AUTS2: variants seen among roughly 807,000 people sequenced by gnomAD.
The protein encoded by AUTS2 is autism susceptibility gene 2 protein.
A neutral mutation model predicts 112.4 loss-of-function variants in AUTS2; 17 were observed. The observed-to-expected ratio is 0.15, with a 90% confidence interval of 0.10 to 0.23. AUTS2 has a LOEUF of 0.23. Among genes scored for constraint, AUTS2 ranks in the 10% least tolerant of loss-of-function variants. AUTS2 has a pLI of 1.00. For synonymous variants in AUTS2, 751 were observed against 702.7 expected (o/e 1.07, Z -1.09); for missense variants, 1,510 against 1,701.6 (o/e 0.89, Z 1.98).
intron 2 of AUTS2, among the ~76,000 whole-genome samples, chr7:70,016,627 C>T (rs1800039476): frequency 6.6e-6 from 1 of 151,618 alleles, no homozygotes; most frequent in Non-Finnish European, 1.5e-5. Flanking sequence ...GTGTAGTCCA[C>T]CATGGAGAGA....
At chr7:70,437,320 T>G (rs965933285) in intron 5 of AUTS2, 2 of 152,204 alleles carry the variant, frequency 1.3e-5, no homozygotes, top group African/African-American at 4.8e-5. Flanking sequence ...CAGGGACATG[T>G]GCACAGCAGT....
At chr7:70,110,819 G>A (rs914856363) in intron 2 of AUTS2, among the ~76,000 whole-genome samples, 2 of 148,102 alleles carry the variant, frequency 1.4e-5, no homozygotes, top group Admixed American at 6.7e-5. Flanking sequence ...GTGACTTTAC[G>A]ATACATGAAT....
chr7:70,267,215 C>T (rs998702867), intron 4 of AUTS2, among the ~76,000 whole-genome samples: 37 of 151,636 alleles, frequency 2.4e-4, no homozygotes, highest in African/African-American at 7.8e-4. Context: ...TCACATTTAT[C>T]GCTGTTTAGT....
At chr7:69,891,613 T>A (rs1166464446) in intron 1 of AUTS2, among the ~76,000 whole-genome samples, 1 of 151,966 alleles carries the variant, frequency 6.6e-6, no homozygotes, top group Non-Finnish European at 1.5e-5. Flanking sequence ...TGTATGAGCA[T>A]CCTCTGCATC....
chr7:69,623,305 C>T (rs1342983921), intron 1 of AUTS2, among the ~76,000 whole-genome samples: 2 of 150,854 alleles, frequency 1.3e-5, no homozygotes, highest in African/African-American at 4.9e-5. Context: ...TCACTGCAGT[C>T]TCAAACTCCT....
rs966213504 is a variant in AUTS2 at position 70,770,631 on chromosome 7, T to A, written c.1735-918T>A. ...ATTGTGTCCTTTTATAGGCTGTTGA[T>A]TCAGGAAAATTCATAGTCTTCATTC... On this transcript the variant is annotated intron_variant, in intron 10 of 18. Transcript: ENST00000342771. Among the ~76,000 whole-genome samples, 3 of 152,214 alleles carry A rather than the reference T, an allele frequency of 2.0e-5. No individual in the cohort carries two copies. In the East Asian group the frequency reaches 5.8e-4, roughly 29 times the overall value.
intron 4 of AUTS2, among the ~76,000 whole-genome samples, chr7:70,156,690 G>A (rs1807780652): frequency 6.6e-6 from 1 of 151,522 alleles, no homozygotes; most frequent in Non-Finnish European, 1.5e-5. Flanking sequence ...AGTCATTTTT[G>A]TGCTTAGGGA....
intron 2 of AUTS2, among the ~76,000 whole-genome samples, chr7:70,105,185 A>G (rs1388700543): frequency 1.3e-5 from 2 of 152,162 alleles, no homozygotes; most frequent in Non-Finnish European, 2.9e-5. Flanking sequence ...ATTTGTCTGT[A>G]AATTGGGAAG....
rs528906206 is a variant in AUTS2 at position 70,413,781 on chromosome 7, A to C, written c.661-21971A>C. ...CAGCCTCTACCTCCTGAGCTCAAGCAATCCTCCTACTCAGCCTCAAGTAGC... is the reference window on the plus strand; with the variant it reads ...CAGCCTCTACCTCCTGAGCTCAAGCCATCCTCCTACTCAGCCTCAAGTAGC... On this transcript the variant is annotated intron_variant, in intron 4 of 18. Coordinates refer to ENST00000342771, the MANE Select transcript of AUTS2 (RefSeq NM_015570.4). Among the ~76,000 whole-genome samples the C allele has an allele frequency of 4.3e-4, 66 of 152,212 alleles. 1 individual carries two copies. Among genetic ancestry groups the C allele is most frequent in the Middle Eastern group, 6.8e-3 (2 of 294 alleles).
At chr7:70,739,706 C>G (rs1787990198) in intron 6 of AUTS2, among the ~76,000 whole-genome samples, 1 of 151,596 alleles carries the variant, frequency 6.6e-6, no homozygotes, top group Non-Finnish European at 1.5e-5. Context: ...AATCCTCAGT[C>G]TGTAGCTTCC....
At chr7:70,541,941 G>C (rs1800569359) in intron 5 of AUTS2, among the ~76,000 whole-genome samples, 1 of 152,196 alleles carries the variant, frequency 6.6e-6, no homozygotes, top group Non-Finnish European at 1.5e-5. Flanking sequence ...TAATGCTCCT[G>C]ATCCTCATCA....
chr7:69,879,953 G>A (rs1472492692), intron 1 of AUTS2, among the ~76,000 whole-genome samples: 1 of 152,098 alleles, frequency 6.6e-6, no homozygotes, highest in East Asian at 1.9e-4. Context: ...TAGAGAGATG[G>A]GATTTCCCTA....
chr7:70,410,098 G>A (rs1794708531), intron 4 of AUTS2, among the ~76,000 whole-genome samples: 1 of 152,166 alleles, frequency 6.6e-6, no homozygotes, highest in South Asian at 2.1e-4. Flanking sequence ...GTATGTTTTA[G>A]GGAACTTTAT....
intron 4 of AUTS2, among the ~76,000 whole-genome samples, chr7:70,160,237 A>G (rs1808001882): frequency 6.6e-6 from 1 of 152,166 alleles, no homozygotes; most frequent in African/African-American, 2.4e-5. Flanking sequence ...ATTTCAACTA[A>G]TAGAAAGACC....
rs1471216303 is a variant in AUTS2, at chr7:70,144,084, G to A, written c.660+9513G>A. ...AAGAGCTCATCCAAGCCCGTGCTGT[G>A]CCATATTTCTCTTACTGCTCCTCAG... On this transcript the variant is annotated intron_variant, in intron 4 of 18. Transcript: ENST00000342771. Among the ~76,000 whole-genome samples the A allele has an allele frequency of 2.6e-5, 4 of 151,950 alleles. No individual in the cohort carries two copies. In the East Asian group the frequency reaches 7.8e-4, roughly 30 times the overall value.
At chr7:70,465,995 T>G (rs974465493) in intron 5 of AUTS2, among the ~76,000 whole-genome samples, 2 of 152,144 alleles carry the variant, frequency 1.3e-5, no homozygotes, top group Middle Eastern at 3.2e-3. Flanking sequence ...ATAGGCAGTG[T>G]ACATGGTGTT....
chr7:70,489,031 A>G (rs1039502276), intron 5 of AUTS2, among the ~76,000 whole-genome samples: 4 of 152,212 alleles, frequency 2.6e-5, no homozygotes, highest in African/African-American at 9.6e-5. Flanking sequence ...TTTTATTGTC[A>G]GCCTATTTGA....
intron 1 of AUTS2, among the ~76,000 whole-genome samples, chr7:69,833,868 A>ATT (rs1791605935): frequency 6.6e-6 from 1 of 152,220 alleles, no homozygotes; most frequent in Non-Finnish European, 1.5e-5. Flanking sequence ...TTCACAGAAA[A>ATT]TTATATCCAC....
At chr7:70,492,409 G>C (rs1798287177) in intron 5 of AUTS2, among the ~76,000 whole-genome samples, 1 of 152,188 alleles carries the variant, frequency 6.6e-6, no homozygotes, top group Admixed American at 6.5e-5. Flanking sequence ...GAAGAAAAGG[G>C]AGAAAGAGAT....
Sources: allele counts gnomAD v4.1 joint callset (sites outside exome capture counted in the v4.1 genomes callset), GRCh38; gene constraint gnomAD v4.1.1; transcripts MANE v1.5; gene names NCBI Gene and HGNC (gene_info 2026-07-23, HGNC 2026-07-21).